Variants in PTPRZ1 observed in about 807,000 individuals in gnomAD.
PTPRZ1 encodes protein tyrosine phosphatase receptor type Z1.
A neutral mutation model predicts 214.1 loss-of-function variants in PTPRZ1; 82 were observed. The observed-to-expected ratio is 0.38, with a 90% CI of 0.32 to 0.46. The LOEUF (loss-of-function observed/expected upper bound fraction) is 0.46. PTPRZ1 is among the 20% of genes least tolerant of loss of function. The probability of loss-of-function intolerance (pLI) is 1.00; values close to 1 mark genes in which losing one functional copy is unlikely to be tolerated. For synonymous variants in PTPRZ1, 945 were observed against 987.9 expected (o/e 0.96, Z 0.81); for missense variants, 2,603 against 2,748.7 (o/e 0.95, Z 1.19).
intron 23 of PTPRZ1, among the ~76,000 whole-genome samples, chr7:122,050,849 C>T (rs1335844380): frequency 3.9e-5 from 6 of 152,068 alleles, no homozygotes; most frequent in Non-Finnish European, 7.4e-5. Flanking sequence ...AAAAATAAAA[C>T]ACTGAATAAC....
chr7:122,033,090 TAATTA>T (rs1346128789), intron 15 of PTPRZ1, among the ~76,000 whole-genome samples: 1 of 151,986 alleles, frequency 6.6e-6, no homozygotes, highest in Non-Finnish European at 1.5e-5. Context: ...CAGTCCAAAA[TAATTA>T]AATTAATAAA....
intron 6 of PTPRZ1, among the ~76,000 whole-genome samples, chr7:121,980,038 ATCT>A (rs1379407981): frequency 6.6e-6 from 1 of 151,706 alleles, no homozygotes; most frequent in Non-Finnish European, 1.5e-5. Context: ...AAAAAAAAAA[ATCT>A]TCTTCTGATT....
At chr7:121,903,845 A>G (rs529303200) in intron 1 of PTPRZ1, among the ~76,000 whole-genome samples, 5 of 152,296 alleles carry the variant, frequency 3.3e-5, no homozygotes, top group African/African-American at 7.2e-5. Context: ...GGCACATAGT[A>G]TACATTCTCT....
In PTPRZ1 at chr7:122,044,576, C is replaced by T. The variant is rs1440393815; in HGVS notation, c.6084+8C>T. On this transcript the variant is annotated splice_region_variant and intron_variant, in intron 23 of 29. Coordinates refer to ENST00000393386, the MANE Select transcript of PTPRZ1 (RefSeq NM_002851.3). ...CTAGAGAAACAATTCCAGGTGAGTC[C>T]TCTTGGAAGCCTCTTGGATGTCACT... 6.2e-7 allele frequency: 1 copy of T among 1,612,656 alleles called. No homozygotes were observed. The highest frequency in any genetic ancestry group is 1.3e-5 in the African/African-American group (1 of 74,982).
intron 1 of PTPRZ1, among the ~76,000 whole-genome samples, chr7:121,873,768 C>T (rs896107035): frequency 6.6e-6 from 1 of 152,170 alleles, no homozygotes; most frequent in Non-Finnish European, 1.5e-5. Context: ...CGCCCTCGCC[C>T]CTTCCATCGG....
intron 1 of PTPRZ1, among the ~76,000 whole-genome samples, chr7:121,878,029 G>C (rs532958379): frequency 1.3e-5 from 2 of 151,102 alleles, no homozygotes; most frequent in Non-Finnish European, 2.9e-5. Flanking sequence ...GTGTCTTATT[G>C]AGATTAATTC....
intron 8 of PTPRZ1, 23 bp downstream of exon 8, chr7:121,984,140 C>G (rs1797700584): frequency 6.3e-7 from 1 of 1,598,346 alleles, no homozygotes; most frequent in Admixed American, 1.7e-5. Flanking sequence ...ATATAATCTT[C>G]TACAACTCTC....
At chr7:122,032,664 T>G (rs1799417687) in intron 15 of PTPRZ1, among the ~76,000 whole-genome samples, 1 of 152,166 alleles carries the variant, frequency 6.6e-6, no homozygotes, top group African/African-American at 2.4e-5. Context: ...CATCATTATT[T>G]ATTTAGGGAG....
chr7:121,980,875 T>G (rs1196508), intron 6 of PTPRZ1, among the ~76,000 whole-genome samples: 63,314 of 151,978 alleles, frequency 0.42, 13,811 homozygotes, highest in South Asian at 0.56. Flanking sequence ...GGGCGTGGTG[T>G]CTCACGCCTG....
intron 12 of PTPRZ1, among the ~76,000 whole-genome samples, chr7:122,015,929 C>T (rs1798829221): frequency 6.6e-6 from 1 of 152,018 alleles, no homozygotes; most frequent in South Asian, 2.1e-4. Context: ...AAAACTGTAT[C>T]TATAAAATCA....
chr7:121,931,270 T>C (rs1171724070), intron 2 of PTPRZ1, among the ~76,000 whole-genome samples: 1 of 152,228 alleles, frequency 6.6e-6, no homozygotes, highest in African/African-American at 2.4e-5. Context: ...TACATAGAGA[T>C]GTTATCACAG....
Position 122,013,548 on chromosome 7 carries a change from G to A in PTPRZ1, c.4502G>A (p.Ser1501Asn). 1 of 1,614,178 alleles carries A rather than the reference G, an allele frequency of 6.2e-7. No homozygotes were observed. The highest frequency in any genetic ancestry group is 8.5e-7 in the Non-Finnish European group (1 of 1,180,030). The change falls in exon 12 of 30, where the codon AGT becomes AAT. Residue 1501 changes from serine (S) to asparagine (N), a missense_variant. By Grantham distance (46) the Ser-to-Asn change is conservative. Coordinates refer to ENST00000393386, the MANE Select transcript of PTPRZ1 (RefSeq NM_002851.3). ...GACAGTCAAACTGGTATGGACAGAA[G>A]TCCTGGTAAATCACCATCAGCAAAT... The part of the protein sequence containing the change: ...SSDSQTGMDR[S>N]PGKSPSANGL...
chr7:121,913,000 C>T (rs375672387), intron 1 of PTPRZ1, among the ~76,000 whole-genome samples: 2 of 152,062 alleles, frequency 1.3e-5, no homozygotes, highest in South Asian at 4.1e-4. Context: ...TTACAGAGCA[C>T]GTTTGCCTAG....
intron 13 of PTPRZ1, among the ~76,000 whole-genome samples, chr7:122,022,891 A>C (rs773196464): frequency 6.6e-6 from 1 of 152,184 alleles, no homozygotes; most frequent in African/African-American, 2.4e-5. Flanking sequence ...GATCAATGGA[A>C]TCGAACTGAG....
intron 1 of PTPRZ1, among the ~76,000 whole-genome samples, chr7:121,909,854 T>A (rs1795219193): frequency 6.6e-6 from 1 of 152,194 alleles, no homozygotes; most frequent in South Asian, 2.1e-4. Context: ...AAATGTGACC[T>A]GTGGGACACT....
chr7:121,919,014 G>A (rs1563017319), intron 1 of PTPRZ1, among the ~76,000 whole-genome samples: 1 of 151,818 alleles, frequency 6.6e-6, no homozygotes. Context: ...GGTACATCAT[G>A]TTAATCTCTG....
At chr7:121,937,513 C>T (rs1485749058) in intron 2 of PTPRZ1, among the ~76,000 whole-genome samples, 1 of 131,262 alleles carries the variant, frequency 7.6e-6, no homozygotes, top group Non-Finnish European at 1.6e-5. Flanking sequence ...AACAGAGCCC[C>T]AGCAACTCCA....
At chr7:121,950,667 G>A (rs568904432) in intron 2 of PTPRZ1, among the ~76,000 whole-genome samples, 2 of 152,302 alleles carry the variant, frequency 1.3e-5, no homozygotes, top group Admixed American at 6.5e-5. Flanking sequence ...CCCCAGGGAA[G>A]TGATCATGTG....
At chr7:121,976,921 C>A in intron 6 of PTPRZ1, 70 bp downstream of exon 6, 1 of 1,338,276 alleles carries the variant, frequency 7.5e-7, no homozygotes, top group South Asian at 1.3e-5. Flanking sequence ...GACAATACGA[C>A]AAAAGTCACT....
Sources: allele counts gnomAD v4.1 joint callset (sites outside exome capture counted in the v4.1 genomes callset), GRCh38; gene constraint gnomAD v4.1.1; transcripts MANE v1.5; gene names NCBI Gene and HGNC (gene_info 2026-07-23, HGNC 2026-07-21).